Variants in ZNF804B observed in about 807,000 individuals in gnomAD.
ZNF804B encodes zinc finger 804B.
In ZNF804B, 80 loss-of-function variants were observed where a neutral mutation model predicts 101.4. That is an observed-to-expected ratio of 0.79 (90% CI 0.66 to 0.95). ZNF804B has a LOEUF of 0.95. Ranked by LOEUF, ZNF804B falls within the 40% of genes least tolerant of loss-of-function variation. ZNF804B has a pLI of 0.00. For missense variants in ZNF804B, 1,673 were observed against 1,561.9 expected, an observed-to-expected ratio of 1.07 and a Z score of -1.20; for synonymous variants, 622 against 558.8, an observed-to-expected ratio of 1.11 and a Z score of -1.59.
chr7:89,021,370 G>C (rs139346549), intron 1 of ZNF804B, among the ~76,000 whole-genome samples: 4 of 152,266 alleles, frequency 2.6e-5, no homozygotes, highest in Non-Finnish European at 5.9e-5. Flanking sequence ...AGCCAACTGA[G>C]GGTGTGATTC....
chr7:89,215,074 C>T (rs1035418613), intron 1 of ZNF804B, among the ~76,000 whole-genome samples: 10 of 152,180 alleles, frequency 6.6e-5, no homozygotes, highest in African/African-American at 2.4e-4. Context: ...TTATACTCCT[C>T]CTGTTCACTC....
chr7:89,164,867 T>C (rs1460366035), intron 1 of ZNF804B, among the ~76,000 whole-genome samples: 3 of 152,104 alleles, frequency 2.0e-5, no homozygotes, highest in Admixed American at 6.6e-5. Context: ...TTAAGGATAA[T>C]AATAGCACAA....
At chr7:88,813,426 A>G (rs1489996159) in intron 1 of ZNF804B, among the ~76,000 whole-genome samples, 2 of 150,026 alleles carry the variant, frequency 1.3e-5, no homozygotes, top group Admixed American at 6.7e-5. Flanking sequence ...CTCCATCTAA[A>G]AAAAAAAAAA....
At chr7:89,312,232 C>T (rs561100154) in intron 2 of ZNF804B, among the ~76,000 whole-genome samples, 2 of 152,280 alleles carry the variant, frequency 1.3e-5, no homozygotes, top group Admixed American at 1.3e-4. Flanking sequence ...CTCAAACTAA[C>T]ATTAAACCAA....
rs759145677 is a variant in ZNF804B, at chr7:88,794,897, G to A, written c.108+34813G>A. 5 of 1,608,574 alleles carry A rather than the reference G, an allele frequency of 3.1e-6. No homozygotes were observed. In the African/African-American group the frequency reaches 5.4e-5, roughly 17 times the overall value. ...TGGAGAAAAAGAAGAGGTTCCAGTG[G>A]CAAAGGCCTTTTGCTGCCCTTCTGG... On this transcript the variant is annotated intron_variant, in intron 1 of 3. Transcript: ENST00000333190.
chr7:89,130,134 A>C (rs1236819432), intron 1 of ZNF804B, among the ~76,000 whole-genome samples: 1 of 151,900 alleles, frequency 6.6e-6, no homozygotes, highest in Admixed American at 6.6e-5. Context: ...AGAAAAGACT[A>C]CTGGAGTGGT....
intron 2 of ZNF804B, among the ~76,000 whole-genome samples, chr7:89,276,314 C>T (rs1206101502): frequency 6.6e-6 from 1 of 151,778 alleles, no homozygotes; most frequent in African/African-American, 2.4e-5. Context: ...CACATGTACC[C>T]TGGAACTTAA....
Position 89,178,557 on chromosome 7 carries a change from A to G in ZNF804B, c.109-39598A>G, listed in dbSNP as rs74378286. 1.9e-4 allele frequency among the ~76,000 whole-genome samples: 29 copies of G among 152,218 alleles called. No individual in the cohort carries two copies. In the East Asian group the frequency reaches 5.0e-3, roughly 26 times the overall value. On this transcript the variant is annotated intron_variant, in intron 1 of 3. Transcript: ENST00000333190. ...CAAAGTGAAAACTAATAAAAACTCT[A>G]CACTTTAACTTCATCTTTCCACTTT...
chr7:88,907,464 T>A (rs1164673409), intron 1 of ZNF804B, among the ~76,000 whole-genome samples: 5 of 152,090 alleles, frequency 3.3e-5, no homozygotes, highest in African/African-American at 7.2e-5. Context: ...CATGACTGCT[T>A]CTACTGCTAC....
rs1789872440 is a variant in ZNF804B at position 88,760,144 on chromosome 7, GATATTGAGAGATAGTATCCT to G, written c.108+61_108+80del. 9.7e-6 allele frequency: 13 copies of G among 1,342,634 alleles called. No individual in the cohort carries two copies. In the South Asian group the frequency reaches 1.5e-4, roughly 16 times the overall value. The allele number at this position is 1,342,634 out of a possible 1,614,324, so 83.2% of individuals were successfully genotyped here. ...CGTTCCAACTCAACACAAACAAAAA[GATATTGAGAGATAGTATCCT>G]GATACAATGAGTAGGTGGTGGACAT... is the stretch of plus-strand genomic sequence containing the variant. On this transcript the variant is annotated intron_variant, in intron 1 of 3. Coordinates refer to ENST00000333190, the MANE Select transcript of ZNF804B (RefSeq NM_181646.5).
chr7:89,006,815 A>AT (rs1283830928), intron 1 of ZNF804B, among the ~76,000 whole-genome samples: 12 of 151,566 alleles, frequency 7.9e-5, no homozygotes, highest in Non-Finnish European at 7.4e-5. Flanking sequence ...ATGTAGATTA[A>AT]TTTTTTTTTC....
intron 1 of ZNF804B, among the ~76,000 whole-genome samples, chr7:89,013,006 A>T (rs182609619): frequency 6.6e-6 from 1 of 152,322 alleles, no homozygotes; most frequent in Non-Finnish European, 1.5e-5. Flanking sequence ...GAATGAATGC[A>T]AGCAGGGGAA....
chr7:89,190,540 T>C lies in ZNF804B; in HGVS notation c.109-27615T>C, dbSNP rs542225541. Among the ~76,000 whole-genome samples the C allele has an allele frequency of 2.6e-5, 4 of 152,216 alleles. No individual in the cohort carries two copies. In the East Asian group the frequency reaches 7.7e-4, roughly 29 times the overall value. On this transcript the variant is annotated intron_variant, in intron 1 of 3. Coordinates refer to ENST00000333190, the MANE Select transcript of ZNF804B (RefSeq NM_181646.5). ...ATTGTTCAAATGACAACAAATAATT[T>C]AGAATATTACATAAACTTAGTTGAT...
At chr7:89,191,050 C>T (rs754409458) in intron 1 of ZNF804B, among the ~76,000 whole-genome samples, 3 of 152,010 alleles carry the variant, frequency 2.0e-5, no homozygotes, top group Non-Finnish European at 2.9e-5. Context: ...ATGATATCTC[C>T]GAGTTCTGCC....
At chr7:88,836,767 C>T (rs1050854943) in intron 1 of ZNF804B, among the ~76,000 whole-genome samples, 1 of 151,970 alleles carries the variant, frequency 6.6e-6, no homozygotes, top group African/African-American at 2.4e-5. Context: ...CCTGCAAACA[C>T]TTGCCACCTG....
intron 2 of ZNF804B, among the ~76,000 whole-genome samples, chr7:89,281,612 C>A (rs577276796): frequency 5.8e-4 from 88 of 152,176 alleles, no homozygotes; most frequent in African/African-American, 2.1e-3. Context: ...ATGGCAAAGT[C>A]AAGTATAATA....
chr7:89,332,054 T>TTA (rs1252554971), intron 3 of ZNF804B, among the ~76,000 whole-genome samples: 1 of 151,182 alleles, frequency 6.6e-6, no homozygotes, highest in Non-Finnish European at 1.5e-5. Flanking sequence ...ATCTAATGAA[T>TTA]TATATATATT....
chr7:88,852,517 T>C (rs1261836214), intron 1 of ZNF804B, among the ~76,000 whole-genome samples: 1 of 151,996 alleles, frequency 6.6e-6, no homozygotes, highest in Non-Finnish European at 1.5e-5. Context: ...AAGACTCAGA[T>C]TAAAAATGAC....
At chr7:89,020,776 T>C (rs561842467) in intron 1 of ZNF804B, among the ~76,000 whole-genome samples, 80 of 152,334 alleles carry the variant, frequency 5.3e-4, no homozygotes, top group African/African-American at 1.7e-3. Flanking sequence ...TATATTTTAA[T>C]TTTGCTCATT....
Sources: gnomAD v4.1 joint callset for allele counts (sites outside exome capture counted in the v4.1 genomes callset) on GRCh38, gnomAD v4.1.1 for gene constraint, MANE v1.5 for transcripts, NCBI Gene and HGNC (gene_info 2026-07-23, HGNC 2026-07-21) for gene names.